LNPK: variants seen among roughly 807,000 people sequenced by gnomAD.
The protein encoded by LNPK is endoplasmic reticulum junction formation protein lunapark.
In LNPK, 29 loss-of-function variants were observed where a neutral mutation model predicts 55.2. That is an observed-to-expected ratio of 0.53 (90% CI 0.39 to 0.72). The LOEUF (loss-of-function observed/expected upper bound fraction) is 0.72. Ranked by LOEUF, LNPK falls within the 30% of genes least tolerant of loss-of-function variation. LNPK has a pLI of 0.00. For synonymous variants in LNPK, 162 were observed against 168.2 expected (o/e 0.96, Z 0.29); for missense variants, 467 against 494.8 (o/e 0.94, Z 0.53).
At chr2:175,951,335 C>T (rs534257744) in intron 8 of LNPK, among the ~76,000 whole-genome samples, 1 of 152,038 alleles carries the variant, frequency 6.6e-6, no homozygotes, top group South Asian at 2.1e-4. Flanking sequence ...ACAGTATACA[C>T]TGCACCTATT....
Position 175,934,424 on chromosome 2 carries a change from T to C in LNPK, c.1054+2920A>G, listed in dbSNP as rs372577661. Among the ~76,000 whole-genome samples the C allele has an allele frequency of 8.5e-5, 13 of 152,218 alleles. No individual in the cohort carries two copies. In the East Asian group the frequency reaches 2.5e-3, roughly 29 times the overall value. On this transcript the variant is annotated intron_variant, in intron 12 of 12. Transcript: ENST00000272748. ...GCTATTTTTGATAGTATTGATTAGA[T>C]GCCATGAGTTTTATTATTAGGAAGT...
In LNPK at chr2:175,927,943, G is replaced by A. The variant is rs2105500841; in HGVS notation, c.*2024C>T. On this transcript the variant is annotated 3_prime_UTR_variant, in exon 13 of 13. Transcript: ENST00000272748. ...CTGTTTGAGTCTATCAAATTTCTCT[G>A]AGGTACTCACTCATTTTCAAGCAAT... The A allele has an allele frequency of 6.6e-6, 1 of 152,126 alleles. No homozygotes were observed. The highest frequency in any genetic ancestry group is 1.9e-4 in the East Asian group (1 of 5,180). 9.4% of individuals were successfully genotyped at this position (152,126 alleles called of 1,614,324 possible). A position where few individuals can be genotyped will look rare whatever the true frequency, so the allele number is the denominator to read the frequency against.
chr2:175,983,560 T>G (rs1273011915), intron 4 of LNPK, among the ~76,000 whole-genome samples: 2 of 152,132 alleles, frequency 1.3e-5, no homozygotes, highest in Admixed American at 6.5e-5. Context: ...TCAACAAATA[T>G]TAAGTGGGCT....
intron 5 of LNPK, among the ~76,000 whole-genome samples, chr2:175,978,968 G>A (rs1168918872): frequency 6.6e-6 from 1 of 151,986 alleles, no homozygotes; most frequent in African/African-American, 2.4e-5. Context: ...CAATTTGATA[G>A]TCATATATTA....
At chr2:175,981,295 C>T (rs1687162976) in intron 4 of LNPK, among the ~76,000 whole-genome samples, 1 of 152,170 alleles carries the variant, frequency 6.6e-6, no homozygotes, top group East Asian at 1.9e-4. Context: ...AGACAGCTGT[C>T]ATGATATGAG....
chr2:175,995,804 C>CTTTTTTTTTTTTTTT lies in LNPK; in HGVS notation c.-62-173_-62-159dup, dbSNP rs10674444. On this transcript the variant is annotated intron_variant, in intron 1 of 12. Coordinates refer to ENST00000272748, the MANE Select transcript of LNPK (RefSeq NM_030650.3). ...AGACAGTTATTGGGATAGAGTCTAC[C>CTTTTTTTTTTTTTTT]TTTTTTTTTTTTTTTTTTTTTTTTT... Among the ~76,000 whole-genome samples the CTTTTTTTTTTTTTTT allele has an allele frequency of 7.5e-5, 5 of 66,424 alleles. 1 individual carries two copies. Among genetic ancestry groups the CTTTTTTTTTTTTTTT allele is most frequent in the East Asian group, 6.2e-4 (1 of 1,602 alleles). 43.6% of individuals were successfully genotyped at this position (66,424 alleles called of 152,430 possible).
chr2:175,966,037 G>A (rs1447270907), intron 6 of LNPK, among the ~76,000 whole-genome samples: 2 of 152,134 alleles, frequency 1.3e-5, no homozygotes, highest in Admixed American at 1.3e-4. Flanking sequence ...TGTTGCTTGT[G>A]CAACTGGGGA....
intron 6 of LNPK, 144 bp downstream of exon 6, chr2:175,970,620 T>C (rs1486599718): frequency 5.0e-6 from 2 of 399,788 alleles, no homozygotes; most frequent in Non-Finnish European, 8.0e-6. Context: ...CTAGCAAAAA[T>C]ATTCACAATT....
intron 2 of LNPK, among the ~76,000 whole-genome samples, chr2:175,994,522 AT>A (rs957978199): frequency 1.3e-5 from 2 of 151,554 alleles, no homozygotes; most frequent in Admixed American, 1.3e-4. Context: ...CATTTATATA[AT>A]TTTTTTTTCT....
rs1267083026 is a variant in LNPK at position 175,930,061 on chromosome 2, T to A, written c.1193A>T (p.Glu398Val). The A allele has an allele frequency of 6.2e-7, 1 of 1,613,950 alleles. No individual in the cohort carries two copies. The highest frequency in any genetic ancestry group is 8.5e-7 in the Non-Finnish European group (1 of 1,179,942). ...GTTGGTTTCAATCACTGAGGCTTCC[T>A]CATTCTCAGTCTCTTGTTTCTCCTC... ...EPEEKQETEN[E>V]EASVIETNST... Residue 398 changes from glutamate (E) to valine (V), a missense_variant, in exon 13 of 13, where the codon GAG (glutamate) becomes GTG (valine). Transcript: ENST00000272748.
intron 5 of LNPK, among the ~76,000 whole-genome samples, chr2:175,974,796 T>C (rs529603454): frequency 2.2e-4 from 34 of 152,142 alleles, no homozygotes; most frequent in Non-Finnish European, 3.5e-4. Flanking sequence ...AGACAATCTT[T>C]TACAAAGTCG....
intron 8 of LNPK, among the ~76,000 whole-genome samples, chr2:175,956,528 C>A (rs1265058264): frequency 6.6e-6 from 1 of 152,114 alleles, no homozygotes; most frequent in African/African-American, 2.4e-5. Flanking sequence ...GAAAGAGCCA[C>A]ATAATAAACA....
At chr2:175,937,552 C>A (rs1162534492) in intron 11 of LNPK, 38 bp from the exon 12 acceptor site, 1 of 1,518,262 alleles carries the variant, frequency 6.6e-7, no homozygotes. Flanking sequence ...AAACCACAAA[C>A]CAAGCAAAGT....
chr2:175,975,010 A>AT lies in LNPK; in HGVS notation c.317-4207dup, dbSNP rs56951449. On this transcript the variant is annotated intron_variant, in intron 5 of 12. Coordinates refer to ENST00000272748, the MANE Select transcript of LNPK (RefSeq NM_030650.3). ...AAAGGACTCTTGAAAAAGGTTTCTT[A>AT]TTTTTTTTTTTTTTTTTACTATCTT... Among the ~76,000 whole-genome samples the AT allele has an allele frequency of 3.9e-3, 555 of 141,596 alleles. 2 individuals are homozygous for AT. Among genetic ancestry groups the AT allele is most frequent in the East Asian group, 0.026 (125 of 4,834 alleles). The allele number at this position is 141,596 out of a possible 152,430, so 92.9% of individuals were successfully genotyped here. A position where few individuals can be genotyped will look rare whatever the true frequency, so the allele number is the denominator to read the frequency against.
intron 9 of LNPK, among the ~76,000 whole-genome samples, chr2:175,940,285 A>T (rs1200960429): frequency 5.3e-5 from 8 of 151,824 alleles, no homozygotes; most frequent in Admixed American, 2.6e-4. Flanking sequence ...AATTCTGAGA[A>T]GGCCAAGGCA....
chr2:175,993,283 G>A, intron 2 of LNPK, 60 bp from the exon 3 acceptor site: 2 of 992,680 alleles, frequency 2.0e-6, no homozygotes, highest in East Asian at 2.8e-5. Flanking sequence ...TTTACATTTT[G>A]ATATAATCAT....
intron 6 of LNPK, among the ~76,000 whole-genome samples, chr2:175,965,895 C>T (rs763865229): frequency 2.0e-5 from 3 of 151,954 alleles, no homozygotes; most frequent in Non-Finnish European, 4.4e-5. Context: ...AGAAGCAAAT[C>T]CCTGATCTCT....
At chr2:175,956,928 C>T (rs373321230) in intron 8 of LNPK, among the ~76,000 whole-genome samples, 10 of 152,260 alleles carry the variant, frequency 6.6e-5, no homozygotes, top group South Asian at 6.2e-4. Context: ...TGGAAAAGCA[C>T]ACAGAATCCT....
chr2:175,974,473 C>A (rs1686797630), intron 5 of LNPK, among the ~76,000 whole-genome samples: 1 of 152,156 alleles, frequency 6.6e-6, no homozygotes, highest in Admixed American at 6.6e-5. Flanking sequence ...CTACTCAATT[C>A]TGCTATTGTA....
Sources: gnomAD v4.1 joint callset for allele counts (sites outside exome capture counted in the v4.1 genomes callset) on GRCh38, gnomAD v4.1.1 for gene constraint, MANE v1.5 for transcripts, NCBI Gene and HGNC (gene_info 2026-07-23, HGNC 2026-07-21) for gene names.